CGNL1: variants seen among roughly 807,000 people sequenced by gnomAD.
The protein encoded by CGNL1 is cingulin like 1.
CGNL1 carries 132 observed loss-of-function variants against 141.2 expected under a neutral mutation model. The observed-to-expected ratio is 0.93, with a 90% CI of 0.81 to 1.08. CGNL1 has a LOEUF of 1.08. Among genes scored for constraint, CGNL1 ranks in the 50% least tolerant of loss-of-function variants. CGNL1 has a pLI of 0.00. For synonymous variants in CGNL1, 690 were observed against 622.1 expected (o/e 1.11, Z -1.63); for missense variants, 1,870 against 1,588.6 (o/e 1.18, Z -3.01).
At chr15:57,446,237 T>C (rs907313463) in intron 4 of CGNL1, among the ~76,000 whole-genome samples, 1 of 152,210 alleles carries the variant, frequency 6.6e-6, no homozygotes, top group Non-Finnish European at 1.5e-5. Flanking sequence ...TAAAGTAAAT[T>C]ACACAAATTC....
At chr15:57,512,727 T>C (rs1380363533) in intron 8 of CGNL1, among the ~76,000 whole-genome samples, 1 of 152,140 alleles carries the variant, frequency 6.6e-6, no homozygotes, top group African/African-American at 2.4e-5. Context: ...TCAGGTCTGG[T>C]TTTCAGTATC....
chr15:57,466,284 C>T (rs780101511), intron 8 of CGNL1, among the ~76,000 whole-genome samples: 2 of 152,098 alleles, frequency 1.3e-5, no homozygotes, highest in Non-Finnish European at 2.9e-5. Context: ...GGGTTCGTGG[C>T]CATGGCTGGA....
At chr15:57,385,336 C>G (rs796982687) in intron 1 of CGNL1, among the ~76,000 whole-genome samples, 35 of 152,192 alleles carry the variant, frequency 2.3e-4, no homozygotes, top group African/African-American at 8.0e-4. Context: ...GAGTTCAAGA[C>G]CAGCCTAGCC....
chr15:57,392,865 C>T (rs556896965), intron 1 of CGNL1, among the ~76,000 whole-genome samples: 2 of 152,016 alleles, frequency 1.3e-5, no homozygotes, highest in East Asian at 3.9e-4. Flanking sequence ...TTCTTTGATA[C>T]CCTGGACTAA....
intron 14 of CGNL1, among the ~76,000 whole-genome samples, chr15:57,533,847 AG>A (rs1461531716): frequency 6.6e-6 from 1 of 152,214 alleles, no homozygotes; most frequent in East Asian, 1.9e-4. Context: ...ATGTCAGTTT[AG>A]GGGGGAAGTT....
chr15:57,464,504 C>G (rs75923537), intron 8 of CGNL1, among the ~76,000 whole-genome samples: 10 of 152,128 alleles, frequency 6.6e-5, no homozygotes, highest in Non-Finnish European at 1.5e-4. Context: ...CGGTGTCTGG[C>G]AAGTGAAAGT....
chr15:57,395,211 T>A (rs4774938), intron 1 of CGNL1, among the ~76,000 whole-genome samples: 120,203 of 152,260 alleles, frequency 0.79, 47,696 homozygotes, highest in East Asian at 0.96. Context: ...GCTAGTCAAC[T>A]TGAATAACTT....
intron 1 of CGNL1, among the ~76,000 whole-genome samples, chr15:57,381,242 A>G (rs937338434): frequency 1.3e-5 from 2 of 152,112 alleles, no homozygotes; most frequent in Non-Finnish European, 2.9e-5. Flanking sequence ...CTGAGGCCCA[A>G]GGAGGTGCTG....
chr15:57,392,079 A>T (rs2062550336), intron 1 of CGNL1, among the ~76,000 whole-genome samples: 1 of 152,026 alleles, frequency 6.6e-6, no homozygotes, highest in Non-Finnish European at 1.5e-5. Flanking sequence ...CAATTTCTGG[A>T]ACCAAGAATT....
chr15:57,437,992 A>G lies in CGNL1; in HGVS notation c.-8A>G, dbSNP rs2063127478. 6.2e-7 allele frequency: 1 copy of G among 1,606,784 alleles called. No homozygotes were observed. Among genetic ancestry groups the G allele is most frequent in the Non-Finnish European group, 8.5e-7 (1 of 1,178,040 alleles). On this transcript the variant is annotated 5_prime_UTR_variant, in exon 2 of 19. Transcript: ENST00000281282. Reference sequence around the variant, plus strand: ...CCCATCTCTCCCTGGTAGCTGGAACAGTGAACCATGGAGCTGTATTTCGGT... The same window carrying G: ...CCCATCTCTCCCTGGTAGCTGGAACGGTGAACCATGGAGCTGTATTTCGGT...
At chr15:57,534,610 G>A (rs971182994) in intron 14 of CGNL1, among the ~76,000 whole-genome samples, 1 of 152,182 alleles carries the variant, frequency 6.6e-6, no homozygotes, top group African/African-American at 2.4e-5. Flanking sequence ...AACTTCTAGG[G>A]CCGTGTGCCT....
At chr15:57,513,960 T>G (rs1278159386) in intron 8 of CGNL1, among the ~76,000 whole-genome samples, 1 of 152,224 alleles carries the variant, frequency 6.6e-6, no homozygotes, top group African/African-American at 2.4e-5. Context: ...CAGCAATGTA[T>G]AAGTGGTCTA....
At chr15:57,469,946 G>C (rs1014316480) in intron 8 of CGNL1, among the ~76,000 whole-genome samples, 3 of 152,178 alleles carry the variant, frequency 2.0e-5, no homozygotes, top group African/African-American at 7.2e-5. Context: ...CAGTGGAATC[G>C]CTTCCCTTAA....
rs371585090 is a variant in CGNL1, at chr15:57,451,772, A to T, written c.1905+171A>T. On this transcript the variant is annotated intron_variant, in intron 5 of 18. Transcript: ENST00000281282. ...GTATTTGGCTGCTGCTGTCCAAAGA[A>T]TTTTTTTTTTTAATGTAACCAAAGC... Among the ~76,000 whole-genome samples the T allele has an allele frequency of 4.7e-5, 7 of 149,606 alleles. No individual in the cohort carries two copies. In the East Asian group the frequency reaches 1.4e-3, roughly 29 times the overall value.
At chr15:57,433,775 G>A (rs1351214781) in intron 1 of CGNL1, among the ~76,000 whole-genome samples, 1 of 152,310 alleles carries the variant, frequency 6.6e-6, no homozygotes, top group East Asian at 1.9e-4. Context: ...TGACAGCTGG[G>A]AGCTTGGTCA....
intron 1 of CGNL1, among the ~76,000 whole-genome samples, chr15:57,417,089 G>C (rs1233701176): frequency 6.6e-6 from 1 of 152,178 alleles, no homozygotes; most frequent in Non-Finnish European, 1.5e-5. Context: ...ACCTGGCGGG[G>C]TTGCTGAACA....
intron 16 of CGNL1, among the ~76,000 whole-genome samples, chr15:57,545,349 C>T (rs1030865019): frequency 6.6e-6 from 1 of 152,236 alleles, no homozygotes; most frequent in Non-Finnish European, 1.5e-5. Flanking sequence ...CCGGGCAGGT[C>T]GAGCCATGGC....
intron 8 of CGNL1, among the ~76,000 whole-genome samples, chr15:57,475,251 C>T (rs1307771852): frequency 6.6e-6 from 1 of 152,242 alleles, no homozygotes; most frequent in Non-Finnish European, 1.5e-5. Flanking sequence ...CTGGCTCCCA[C>T]CTGCCTTTGC....
intron 1 of CGNL1, among the ~76,000 whole-genome samples, chr15:57,393,176 GAA>G (rs1249946108): frequency 3.9e-5 from 6 of 152,154 alleles, no homozygotes; most frequent in Non-Finnish European, 8.8e-5. Flanking sequence ...TAAATCAAAA[GAA>G]AGAATGTTGT....
Sources: allele counts gnomAD v4.1 joint callset (sites outside exome capture counted in the v4.1 genomes callset), GRCh38; gene constraint gnomAD v4.1.1; transcripts MANE v1.5; gene names NCBI Gene and HGNC (gene_info 2026-07-23, HGNC 2026-07-21).